Variants in ZNF85 observed in about 807,000 individuals in gnomAD.
The protein encoded by ZNF85 is zinc finger protein 85 (HPF4, HTF1).
Under a neutral mutation model 53.9 loss-of-function variants are expected in ZNF85, and 50 were observed. That is an observed-to-expected ratio of 0.93 (90% CI 0.74 to 1.17). The LOEUF is 1.17. Among genes scored for constraint, ZNF85 ranks in the 50% most tolerant of loss-of-function variants. ZNF85 has a pLI of 0.00. For missense variants in ZNF85, 747 were observed against 688.5 expected (o/e 1.08, Z -0.95); for synonymous variants, 225 against 226.1 (o/e 1.00, Z 0.04).
chr19:20,925,655 A>G (rs1972863761), intron 1 of ZNF85, among the ~76,000 whole-genome samples: 2 of 152,184 alleles, frequency 1.3e-5, no homozygotes, highest in Non-Finnish European at 2.9e-5. Flanking sequence ...CACTTGGGGC[A>G]GTCACTGGGG....
chr19:20,944,755 G>T (rs969424559), intron 3 of ZNF85, among the ~76,000 whole-genome samples: 1 of 151,548 alleles, frequency 6.6e-6, no homozygotes, highest in Non-Finnish European at 1.5e-5. Flanking sequence ...ATATTTAAGG[G>T]TATTCCAGCT....
chr19:20,949,971 A>G lies in ZNF85; in HGVS notation c.1457A>G (p.Glu486Gly). 1 of 1,611,322 alleles carries G rather than the reference A, an allele frequency of 6.2e-7. No individual in the cohort carries two copies. Among genetic ancestry groups the G allele is most frequent in the Non-Finnish European group, 8.5e-7 (1 of 1,178,198 alleles). Residue 486 changes from glutamate to glycine, a missense_variant, in exon 4 of 4, where the codon GAA becomes GGA. Coordinates refer to ENST00000328178, the MANE Select transcript of ZNF85 (RefSeq NM_003429.5). Reference protein sequence around the residue: ...HTEEKPYKCEECGKGFKWPST... With the variant: ...HTEEKPYKCEGCGKGFKWPST... ...GAAGAGAAACCTTACAAATGTGAAG[A>G]ATGTGGCAAAGGTTTTAAATGGCCC...
intron 1 of ZNF85, chr19:20,927,404 T>C (rs1972904541): frequency 6.6e-6 from 1 of 151,306 alleles, no homozygotes; most frequent in African/African-American, 2.4e-5. Context: ...TGTGAGCTGT[T>C]ATCACGCCAT....
chr19:20,937,474 A>G (rs1973187597), intron 3 of ZNF85: 2 of 384,862 alleles, frequency 5.2e-6, no homozygotes, highest in East Asian at 7.6e-5. Context: ...GTCCGCCTTT[A>G]GTTGGTTTGT....
At chr19:20,937,065 A>G (rs565354213) in intron 3 of ZNF85, 164 of 197,116 alleles carry the variant, frequency 8.3e-4, no homozygotes, top group Non-Finnish European at 1.5e-3. Context: ...ACGGAGTCTC[A>G]CTCTGTCATC....
chr19:20,942,970 C>T, intron 3 of ZNF85: 1 of 534,158 alleles, frequency 1.9e-6, no homozygotes, highest in South Asian at 2.6e-5. Flanking sequence ...GAGACAGAGT[C>T]TCACTTTGTT....
intron 2 of ZNF85, among the ~76,000 whole-genome samples, chr19:20,934,723 G>A (rs1973114493): frequency 6.7e-6 from 1 of 148,888 alleles, no homozygotes; most frequent in Admixed American, 6.7e-5. Context: ...CTTGCAGTGA[G>A]CTGAGATCAC....
chr19:20,948,914 C>CT lies in ZNF85; in HGVS notation c.402dup (p.Asn135Ter). On this transcript the variant is annotated frameshift_variant, in exon 4 of 4. Coordinates refer to ENST00000328178, the MANE Select transcript of ZNF85 (RefSeq NM_003429.5). LOFTEE classifies it high-confidence loss of function. ...GATGCACAAAGGAGGTTGTAATGGACTTAACCAATGTCTCACAGCTACCCA... is the reference window on the plus strand; with the variant it reads ...GATGCACAAAGGAGGTTGTAATGGACTTTAACCAATGTCTCACAGCTACCCA... The CT allele has an allele frequency of 6.2e-7, 1 of 1,613,668 alleles. No individual in the cohort carries two copies. The highest frequency in any genetic ancestry group is 1.1e-5 in the South Asian group (1 of 91,028).
At chr19:20,946,592 A>ACACC (rs367859040) in intron 3 of ZNF85, among the ~76,000 whole-genome samples, 1 of 151,432 alleles carries the variant, frequency 6.6e-6, no homozygotes, top group Non-Finnish European at 1.5e-5. Context: ...ACACACACAC[A>ACACC]CCCCACAAAT....
chr19:20,945,339 T>TGTTAA (rs1279990352), intron 3 of ZNF85, among the ~76,000 whole-genome samples: 2 of 152,336 alleles, frequency 1.3e-5, no homozygotes, highest in South Asian at 4.1e-4. Context: ...TGTCTAAGGT[T>TGTTAA]GTAACTGCTT....
intron 1 of ZNF85, 84 bp from the exon 2 acceptor site, chr19:20,933,940 A>C (rs1217614822): frequency 1.6e-5 from 22 of 1,376,868 alleles, no homozygotes; most frequent in Non-Finnish European, 2.1e-5. Flanking sequence ...AATGCTTTTC[A>C]TAACCAGTTG....
Position 20,950,039 on chromosome 19 carries a change from C to G in ZNF85, c.1525C>G (p.Pro509Ala), listed in dbSNP as rs1219185722. Residue 509 changes from proline to alanine, a missense_variant, in exon 4 of 4, where the codon CCA becomes GCA. Pro to Ala is a conservative substitution (Grantham distance 27). Coordinates refer to ENST00000328178, the MANE Select transcript of ZNF85 (RefSeq NM_003429.5). ...IHKIIHTGEK[P>A]YKCEECGKAF... ...TAAGATAATTCATACTGGAGAGAAA[C>G]CATACAAATGTGAAGAATGTGGCAA... The G allele has an allele frequency of 6.2e-7, 1 of 1,612,868 alleles. No individual in the cohort carries two copies. The highest frequency in any genetic ancestry group is 8.5e-7 in the Non-Finnish European group (1 of 1,179,680).
intron 1 of ZNF85, among the ~76,000 whole-genome samples, chr19:20,926,180 GT>G (rs1972876159): frequency 1.3e-5 from 2 of 152,246 alleles, no homozygotes; most frequent in South Asian, 4.1e-4. Context: ...TAATTGGTGA[GT>G]TACATAGATT....
At chr19:20,934,344 A>G (rs1973105384) in intron 2 of ZNF85, among the ~76,000 whole-genome samples, 194 bp downstream of exon 2, 1 of 152,176 alleles carries the variant, frequency 6.6e-6, no homozygotes, top group Non-Finnish European at 1.5e-5. Flanking sequence ...AACTTTCCAA[A>G]TTTCTGAGCT....
chr19:20,949,162 C>G lies in ZNF85; in HGVS notation c.648C>G (p.Thr216=), dbSNP rs1973498309. 1.2e-6 allele frequency: 2 copies of G among 1,613,332 alleles called. No individual in the cohort carries two copies. Among genetic ancestry groups the G allele is most frequent in the Non-Finnish European group, 1.7e-6 (2 of 1,179,728 alleles). Residue 216 remains threonine (T), a synonymous_variant, in exon 4 of 4, where the codon ACC becomes ACG. Coordinates refer to ENST00000328178, the MANE Select transcript of ZNF85 (RefSeq NM_003429.5). ...ECGKAFNWSS[T]LTKHKRIHTG... ...GAAAAGCCTTTAACTGGTCCTCAAC[C>G]CTTACTAAACATAAGAGAATTCATA...
intron 3 of ZNF85, chr19:20,937,355 T>C: frequency 4.4e-6 from 2 of 456,364 alleles, no homozygotes; most frequent in South Asian, 3.1e-5. Flanking sequence ...TAAACCAGTT[T>C]CAGAAGGTAA....
At chr19:20,939,754 A>G (rs1004203454) in intron 3 of ZNF85, among the ~76,000 whole-genome samples, 5 of 151,806 alleles carry the variant, frequency 3.3e-5, no homozygotes, top group Non-Finnish European at 2.9e-5. Context: ...CTGGAGTGCA[A>G]TGGCACAATC....
chr19:20,948,790 A>G lies in ZNF85; in HGVS notation c.276A>G (p.Ile92Met). The G allele has an allele frequency of 1.2e-6, 2 of 1,606,094 alleles. No individual in the cohort carries two copies. The highest frequency in any genetic ancestry group is 1.1e-5 in the South Asian group (1 of 88,874). Residue 92 changes from isoleucine to methionine, a missense_variant, in exon 4 of 4, where the codon ATA (isoleucine) becomes ATG (methionine). Ile to Met is a conservative substitution (Grantham distance 10, BLOSUM62 1). Transcript: ENST00000328178. ...FAQDLWPEQN[I>M]KDSFQKVTLK... ...AAGACCTTTGGCCGGAGCAGAATATAAAAGATTCTTTCCAAAAAGTGACAC... is the reference window on the plus strand; with the variant it reads ...AAGACCTTTGGCCGGAGCAGAATATGAAAGATTCTTTCCAAAAAGTGACAC...
Position 20,949,009 on chromosome 19 carries a change from G to A in ZNF85, c.495G>A (p.Glu165=). 6.2e-7 allele frequency: 1 copy of A among 1,613,698 alleles called. No individual in the cohort carries two copies. The highest frequency in any genetic ancestry group is 8.5e-7 in the Non-Finnish European group (1 of 1,179,784). The change falls in exon 4 of 4, where the codon GAG becomes GAA. Residue 165 remains glutamate (E), a synonymous_variant. Coordinates refer to ENST00000328178, the MANE Select transcript of ZNF85 (RefSeq NM_003429.5). ...AATTTTCAAATTCAAACAGACATGA[G>A]ATAAGACATACTAAAAAGAAACCTT... ...AHKFSNSNRH[E]IRHTKKKPFK...
Sources: allele counts gnomAD v4.1 joint callset (sites outside exome capture counted in the v4.1 genomes callset), GRCh38; gene constraint gnomAD v4.1.1; transcripts MANE v1.5; gene names NCBI Gene and HGNC (gene_info 2026-07-23, HGNC 2026-07-21).